PSMC5: variants seen among roughly 807,000 people sequenced by gnomAD.
The protein encoded by PSMC5 is 26S proteasome regulatory subunit 8.
Under a neutral mutation model 49.1 loss-of-function variants are expected in PSMC5, and 11 were observed. The ratio of observed to expected loss-of-function variants is 0.22; its 90% CI spans 0.14 to 0.37. The LOEUF (loss-of-function observed/expected upper bound fraction) is 0.37, where lower values mean the gene tolerates loss of function less well. Among genes scored for constraint, PSMC5 ranks in the 10% least tolerant of loss-of-function variants. The pLI, the probability that PSMC5 is intolerant of heterozygous loss-of-function variation, is 1.00. For missense variants in PSMC5, 229 were observed against 520.9 expected, an observed-to-expected ratio of 0.44 and a Z score of 5.45; for synonymous variants, 206 against 192.2, an observed-to-expected ratio of 1.07 and a Z score of -0.59.
rs921541134 is a variant in PSMC5, at chr17:63,831,009, C to T, written c.680-27C>T. On this transcript the variant is annotated intron_variant, in intron 7 of 11. Coordinates refer to ENST00000310144, the MANE Select transcript of PSMC5 (RefSeq NM_002805.6). The surrounding 1 kb of genome is among the most constrained non-coding windows in gnomAD (Gnocchi z 6.3). Reference sequence around the variant, plus strand: ...AGAGAGCTAATAAGCTAATAAGCTCCCTAACACCAGCTCGGCCTCCACACA... The same window carrying T: ...AGAGAGCTAATAAGCTAATAAGCTCTCTAACACCAGCTCGGCCTCCACACA... 19 of 1,599,774 alleles carry T rather than the reference C, an allele frequency of 1.2e-5. No homozygotes were observed. The highest frequency in any genetic ancestry group is 1.6e-5 in the Non-Finnish European group (19 of 1,171,310).
At chr17:63,827,807 G>C in intron 1 of PSMC5, 1 of 1,428,914 alleles carries the variant, frequency 7.0e-7, no homozygotes, top group Non-Finnish European at 9.1e-7. Flanking sequence ...CTTTGGCTCC[G>C]TTCCGCTGGC....
At chr17:63,828,383 C>G (rs1169847802) in intron 2 of PSMC5, 174 bp downstream of exon 2, 1 of 612,300 alleles carries the variant, frequency 1.6e-6, no homozygotes, top group Non-Finnish European at 2.8e-6. Flanking sequence ...ATCTCTTGTT[C>G]TCCTCCAGTC....
Position 63,829,564 on chromosome 17 carries a change from G to GT in PSMC5, c.166+2dup. 1 of 1,553,576 alleles carries GT rather than the reference G, an allele frequency of 6.4e-7. No homozygotes were observed. The highest frequency in any genetic ancestry group is 8.7e-7 in the Non-Finnish European group (1 of 1,147,944). ...CAGAGGAACGAACTAAATGCTAAAGGTGAGTGGAGAAAGATGGGAAGCCGC... is the reference window on the plus strand; with the variant it reads ...CAGAGGAACGAACTAAATGCTAAAGGTTGAGTGGAGAAAGATGGGAAGCCGC... On this transcript the variant is annotated splice_donor_variant, in intron 3 of 11. Coordinates refer to ENST00000310144, the MANE Select transcript of PSMC5 (RefSeq NM_002805.6). LOFTEE classifies it high-confidence loss of function.
At chr17:63,827,844 C>CT (rs2040129570) in intron 1 of PSMC5, 2 of 1,430,338 alleles carry the variant, frequency 1.4e-6, no homozygotes, top group Non-Finnish European at 1.8e-6. Context: ...ACACCTCGGG[C>CT]TTGTAGAGCA....
rs55833669 is a variant in PSMC5, at chr17:63,830,695, C to CTTTTTTT, written c.553-108_553-102dup. The CTTTTTTT allele has an allele frequency of 1.1e-4, 137 of 1,243,940 alleles. No homozygotes were observed. In the African/African-American group the frequency reaches 2.0e-3, roughly 18 times the overall value. The allele number at this position is 1,243,940 out of a possible 1,614,324, so 77.1% of individuals were successfully genotyped here. The stretch of plus-strand genomic sequence containing the variant: ...TTGGATAGAAGGGACCTTGATGTTC[C>CTTTTTTT]TTTTTTTTTTTTGTATCCCTAACAT... On this transcript the variant is annotated intron_variant, in intron 6 of 11. Transcript: ENST00000310144. This position sits in a 1 kb window ranked among gnomAD's most constrained non-coding sequence, Gnocchi z 4.0.
At position 63,831,686 on chromosome 17, in the gene PSMC5, G is replaced by GC. The variant is rs2040190227; in HGVS notation, c.1081-37dup. ...TGGGCTCAAGGGCCACAGATGAGGG[G>GC]CACAGCAGTGGGGCCTCAATTTCCT... On this transcript the variant is annotated intron_variant, in intron 10 of 11. Transcript: ENST00000310144. This position sits in a 1 kb window ranked among gnomAD's most constrained non-coding sequence, Gnocchi z 6.3. The GC allele has an allele frequency of 6.2e-7, 1 of 1,612,952 alleles. No homozygotes were observed. Among genetic ancestry groups the GC allele is most frequent in the East Asian group, 2.2e-5 (1 of 44,880 alleles).
At chr17:63,827,690 T>G in intron 1 of PSMC5, 176 bp downstream of exon 1, 1 of 1,459,520 alleles carries the variant, frequency 6.9e-7, no homozygotes, top group Non-Finnish European at 9.0e-7. Flanking sequence ...CCTCGGTGAG[T>G]CAGGGCAAGG....
In PSMC5 at chr17:63,830,271, G is replaced by A. The variant is rs1443382148; in HGVS notation, c.322G>A (p.Val108Met). 6.2e-7 allele frequency: 1 copy of A among 1,614,146 alleles called. No individual in the cohort carries two copies. Among genetic ancestry groups the A allele is most frequent in the South Asian group, 1.1e-5 (1 of 91,082 alleles). ...TCTGAAACTCGCCCCCTTCACCCAG[G>A]TGACACCCAATTGCCGGGTGGCTCT... ...DVDKNIDINDVTPNCRVALRN... is the reference protein window; with the variant it reads ...DVDKNIDINDMTPNCRVALRN... Residue 108 changes from valine (V) to methionine (M), a missense_variant and splice_region_variant, in exon 6 of 12, where the codon GTG (valine) becomes ATG (methionine). Coordinates refer to ENST00000310144, the MANE Select transcript of PSMC5 (RefSeq NM_002805.6). This position sits in a 1 kb window ranked among gnomAD's most constrained non-coding sequence, Gnocchi z 4.0.
rs1182214864 is a variant in PSMC5, at chr17:63,830,636, G to A, written c.552+135G>A. On this transcript the variant is annotated intron_variant, in intron 6 of 11. Coordinates refer to ENST00000310144, the MANE Select transcript of PSMC5 (RefSeq NM_002805.6). The surrounding 1 kb of genome is among the most constrained non-coding windows in gnomAD (Gnocchi z 4.0). The stretch of plus-strand genomic sequence containing the variant: ...GGCTGGCCCTCCCCCTGAAAAGAGT[G>A]GCTGGGGAAGTGTTCCTAGGGCGGT... The A allele has an allele frequency of 2.0e-6, 3 of 1,477,470 alleles. No individual in the cohort carries two copies. The highest frequency in any genetic ancestry group is 1.4e-5 in the African/African-American group (1 of 71,474). 91.5% of individuals were successfully genotyped at this position (1,477,470 alleles called of 1,614,324 possible).
At chr17:63,827,642 G>A in intron 1 of PSMC5, 128 bp downstream of exon 1, 1 of 1,518,164 alleles carries the variant, frequency 6.6e-7, no homozygotes, top group Non-Finnish European at 8.9e-7. Flanking sequence ...GTCCATGCTG[G>A]ACGCTGCCTG....
rs55833669 is a variant in PSMC5, at chr17:63,830,695, C to CT, written c.553-102dup. The CT allele has an allele frequency of 6.0e-3, 7,368 of 1,232,364 alleles. 5 individuals are homozygous for CT. Among genetic ancestry groups the CT allele is most frequent in the South Asian group, 0.026 (1,603 of 61,006 alleles). The allele number at this position is 1,232,364 out of a possible 1,614,324, so 76.3% of individuals were successfully genotyped here. A position where few individuals can be genotyped will look rare whatever the true frequency, so the allele number is the denominator to read the frequency against. On this transcript the variant is annotated intron_variant, in intron 6 of 11. Transcript: ENST00000310144. This position sits in a 1 kb window ranked among gnomAD's most constrained non-coding sequence, Gnocchi z 4.0. ...TTGGATAGAAGGGACCTTGATGTTC[C>CT]TTTTTTTTTTTTGTATCCCTAACAT... is the stretch of plus-strand genomic sequence containing the variant.
intron 1 of PSMC5, chr17:63,827,794 G>T (rs1295740236): frequency 7.0e-7 from 1 of 1,430,846 alleles, no homozygotes; most frequent in Non-Finnish European, 9.1e-7. Context: ...CGGGACGCCA[G>T]TCCTTTGGCT....
chr17:63,828,862 A>G (rs941979614), intron 2 of PSMC5: 3 of 153,960 alleles, frequency 1.9e-5, no homozygotes, highest in Non-Finnish European at 4.3e-5. Flanking sequence ...GGACAGGTCC[A>G]TGGATTTTCA....
chr17:63,830,355 T>C lies in PSMC5; in HGVS notation c.406T>C (p.Ser136Pro). Residue 136 changes from serine (S) to proline (P), a missense_variant, in exon 6 of 12, where the codon TCA becomes CCA. Physicochemically the swap from Ser to Pro is moderately conservative, Grantham distance 74. Coordinates refer to ENST00000310144, the MANE Select transcript of PSMC5 (RefSeq NM_002805.6). This position sits in a 1 kb window ranked among gnomAD's most constrained non-coding sequence, Gnocchi z 4.0. The stretch of plus-strand genomic sequence containing the variant: ...GCCCAACAAGGTAGACCCATTAGTG[T>C]CACTGATGATGGTGGAGAAAGTACC... Reference protein sequence around the residue: ...ILPNKVDPLVSLMMVEKVPDS... With the variant: ...ILPNKVDPLVPLMMVEKVPDS... 6.2e-7 allele frequency: 1 copy of C among 1,613,976 alleles called. No individual in the cohort carries two copies. The highest frequency in any genetic ancestry group is 8.5e-7 in the Non-Finnish European group (1 of 1,179,820).
At position 63,831,485 on chromosome 17, in the gene PSMC5, G is replaced by A. The variant is rs764233488; in HGVS notation, c.970-21G>A. The A allele has an allele frequency of 8.1e-6, 13 of 1,613,342 alleles. No homozygotes were observed. The highest frequency in any genetic ancestry group is 2.7e-5 in the African/African-American group (2 of 74,878). On this transcript the variant is annotated intron_variant, in intron 9 of 11. Transcript: ENST00000310144. The surrounding 1 kb of genome is among the most constrained non-coding windows in gnomAD (Gnocchi z 6.3). ...TGTGGGGGTGGGGTGTGGGGCTCAG[G>A]CTTTTCCTTGCCATCTCCAGGCCCG... is the stretch of plus-strand genomic sequence containing the variant.
chr17:63,829,841 T>C lies in PSMC5; in HGVS notation c.167-11T>C. The C allele has an allele frequency of 6.2e-7, 1 of 1,614,004 alleles. No individual in the cohort carries two copies. ...GTAGCTAGGTGACCACTGTGTCTGT[T>C]TGCCATCTAGTTCGCCTATTGCGGG... On this transcript the variant is annotated splice_polypyrimidine_tract_variant and intron_variant, in intron 3 of 11. Coordinates refer to ENST00000310144, the MANE Select transcript of PSMC5 (RefSeq NM_002805.6).
At chr17:63,827,618 A>C in intron 1 of PSMC5, 104 bp downstream of exon 1, 1 of 1,547,288 alleles carries the variant, frequency 6.5e-7, no homozygotes, top group Non-Finnish European at 8.7e-7. Context: ...GGTGGGTCGG[A>C]GGTGCCTGGA....
At chr17:63,829,690 G>A in intron 3 of PSMC5, 127 bp downstream of exon 3, 1 of 1,215,086 alleles carries the variant, frequency 8.2e-7, no homozygotes, top group Non-Finnish European at 1.2e-6. Context: ...AGTTTCACAT[G>A]CATCTCTTTT....
Position 63,830,719 on chromosome 17 carries a change from A to G in PSMC5, c.553-90A>G. 6.6e-7 allele frequency: 1 copy of G among 1,514,844 alleles called. No individual in the cohort carries two copies. Among genetic ancestry groups the G allele is most frequent in the South Asian group, 1.3e-5 (1 of 79,200 alleles). 93.8% of individuals were successfully genotyped at this position (1,514,844 alleles called of 1,614,324 possible). A position where few individuals can be genotyped will look rare whatever the true frequency, so the allele number is the denominator to read the frequency against. On this transcript the variant is annotated intron_variant, in intron 6 of 11. Transcript: ENST00000310144. The surrounding 1 kb of genome is among the most constrained non-coding windows in gnomAD (Gnocchi z 4.0). ...CCTTTTTTTTTTTTGTATCCCTAACATCTAGCAAGGGACCCAGCACTCGGT... is the reference window on the plus strand; with the variant it reads ...CCTTTTTTTTTTTTGTATCCCTAACGTCTAGCAAGGGACCCAGCACTCGGT...
Sources: allele counts gnomAD v4.1 joint callset, GRCh38; gene constraint gnomAD v4.1.1; non-coding constraint Gnocchi (gnomAD v3.1); transcripts MANE v1.5; gene names NCBI Gene and HGNC (gene_info 2026-07-23, HGNC 2026-07-21).